Variants in C1GALT1 observed in about 807,000 individuals in gnomAD.
The protein encoded by C1GALT1 is glycoprotein-N-acetylgalactosamine 3-beta-galactosyltransferase 1.
A neutral mutation model predicts 31.0 loss-of-function variants in C1GALT1; 11 were observed. The ratio of observed to expected loss-of-function variants is 0.36; its 90% CI spans 0.22 to 0.59. C1GALT1 has a LOEUF of 0.59. Among genes scored for constraint, C1GALT1 ranks in the 20% least tolerant of loss-of-function variants. The pLI, the probability that C1GALT1 is intolerant of heterozygous loss-of-function variation, is 0.79. For missense variants in C1GALT1, 424 were observed against 425.2 expected (o/e 1.00, Z 0.03); for synonymous variants, 175 against 143.6 (o/e 1.22, Z -1.56).
At chr7:7,174,173 T>C (rs1307059100) in intron 2 of C1GALT1, among the ~76,000 whole-genome samples, 1 of 152,136 alleles carries the variant, frequency 6.6e-6, no homozygotes, top group African/African-American at 2.4e-5. Context: ...AGATCAGGGC[T>C]CCACCCTTAA....
intron 1 of C1GALT1, among the ~76,000 whole-genome samples, chr7:7,201,098 A>C (rs898489096): frequency 5.9e-5 from 9 of 152,154 alleles, no homozygotes; most frequent in Non-Finnish European, 1.3e-4. Context: ...TAGATTTTTC[A>C]GCTTTTCTGC....
At chr7:7,189,865 G>A (rs1211228711) in intron 1 of C1GALT1, among the ~76,000 whole-genome samples, 1 of 151,876 alleles carries the variant, frequency 6.6e-6, no homozygotes, top group Admixed American at 6.6e-5. Flanking sequence ...AGAAAGTAAG[G>A]ATCCAGCTGG....
chr7:7,192,945 T>A (rs116995472), intron 1 of C1GALT1, among the ~76,000 whole-genome samples: 2,641 of 152,236 alleles, frequency 0.017, 106 homozygotes, highest in East Asian at 0.16. Context: ...TGAACACTTG[T>A]ATATCTTCTT....
intron 1 of C1GALT1, among the ~76,000 whole-genome samples, chr7:7,190,503 G>C (rs182365994): frequency 7.5e-4 from 114 of 152,258 alleles, no homozygotes; most frequent in African/African-American, 2.6e-3. Flanking sequence ...CAGTTTCTCA[G>C]CACATTGTCT....
intron 1 of C1GALT1, among the ~76,000 whole-genome samples, chr7:7,196,026 TTTGTTG>T (rs55905652): frequency 0.034 from 5,141 of 151,700 alleles, 183 homozygotes; most frequent in African/African-American, 0.092. Context: ...TGGAATATCT[TTTGTTG>T]TTGTTGTTGT....
chr7:7,236,181 A>C (rs1435103190), intron 2 of C1GALT1, among the ~76,000 whole-genome samples: 1 of 152,172 alleles, frequency 6.6e-6, no homozygotes, highest in African/African-American at 2.4e-5. Context: ...TGTCAGGCTC[A>C]GGCTCCCTGA....
intron 1 of C1GALT1, among the ~76,000 whole-genome samples, chr7:7,211,051 T>A (rs1286205911): frequency 6.6e-6 from 1 of 152,172 alleles, no homozygotes; most frequent in Non-Finnish European, 1.5e-5. Context: ...AAAAGGGGCA[T>A]CATATGGGGA....
intron 1 of C1GALT1, among the ~76,000 whole-genome samples, chr7:7,227,100 G>T (rs2108785): frequency 6.6e-6 from 1 of 152,038 alleles, no homozygotes; most frequent in African/African-American, 2.4e-5. Context: ...TTAGAGGATG[G>T]GGGTCATATT....
chr7:7,201,601 G>A (rs1423879470), intron 1 of C1GALT1, among the ~76,000 whole-genome samples: 1 of 152,180 alleles, frequency 6.6e-6, no homozygotes, highest in Non-Finnish European at 1.5e-5. Context: ...CCAGGGAAGC[G>A]GGGGAAAGCC....
chr7:7,237,684 C>T (rs562543524), intron 2 of C1GALT1, among the ~76,000 whole-genome samples: 10 of 152,158 alleles, frequency 6.6e-5, no homozygotes, highest in Non-Finnish European at 1.5e-4. Flanking sequence ...CCTTTTACCA[C>T]CTCAGGGTAC....
intron 1 of C1GALT1, among the ~76,000 whole-genome samples, chr7:7,226,333 A>AC (rs1220517434): frequency 6.6e-6 from 1 of 152,114 alleles, no homozygotes; most frequent in Admixed American, 6.6e-5. Flanking sequence ...CCTGATTGTC[A>AC]CCTTGGCAAA....
chr7:7,215,071 C>A (rs981900504), intron 1 of C1GALT1, among the ~76,000 whole-genome samples: 3 of 152,172 alleles, frequency 2.0e-5, no homozygotes, highest in African/African-American at 7.2e-5. Context: ...AGACAGCCAC[C>A]ATTGTAAAAT....
chr7:7,192,105 T>C (rs917112573), intron 1 of C1GALT1, among the ~76,000 whole-genome samples: 3 of 152,090 alleles, frequency 2.0e-5, no homozygotes, highest in Admixed American at 1.3e-4. Flanking sequence ...TTAGGTCTTA[T>C]ATTTAGGTCT....
chr7:7,205,467 C>G (rs1451744100), intron 1 of C1GALT1, among the ~76,000 whole-genome samples: 3 of 151,932 alleles, frequency 2.0e-5, no homozygotes, highest in Non-Finnish European at 2.9e-5. Flanking sequence ...AGTAGATAAT[C>G]ATGAATGCCT....
At chr7:7,175,492 A>G (rs914565022) in intron 2 of C1GALT1, among the ~76,000 whole-genome samples, 1 of 152,212 alleles carries the variant, frequency 6.6e-6, no homozygotes, top group Non-Finnish European at 1.5e-5. Flanking sequence ...TAATTTCCCA[A>G]AGAAACTCTC....
chr7:7,215,092 AAAAC>A (rs1319205563), intron 1 of C1GALT1, among the ~76,000 whole-genome samples: 2 of 152,196 alleles, frequency 1.3e-5, no homozygotes, highest in Non-Finnish European at 2.9e-5. Context: ...GGTGGAGACT[AAAAC>A]AAAGTATTGC....
chr7:7,213,685 T>A (rs1030505539), intron 1 of C1GALT1, among the ~76,000 whole-genome samples: 2 of 152,214 alleles, frequency 1.3e-5, no homozygotes, highest in African/African-American at 2.4e-5. Context: ...ATTTTACCCT[T>A]GCACTAGTTT....
intron 2 of C1GALT1, among the ~76,000 whole-genome samples, chr7:7,167,924 T>C (rs917482419): frequency 1.3e-5 from 2 of 152,222 alleles, no homozygotes; most frequent in African/African-American, 2.4e-5. Context: ...CTAAGAATCT[T>C]ACCTTCTACT....
chr7:7,191,821 G>A (rs1781086190), intron 1 of C1GALT1, among the ~76,000 whole-genome samples: 1 of 150,138 alleles, frequency 6.7e-6, no homozygotes, highest in African/African-American at 2.5e-5. Flanking sequence ...GAATCAGGTT[G>A]ATTTTTTTTG....
Sources: gnomAD v4.1 joint callset for allele counts (sites outside exome capture counted in the v4.1 genomes callset) on GRCh38, gnomAD v4.1.1 for gene constraint, MANE v1.5 for transcripts, NCBI Gene and HGNC (gene_info 2026-07-23, HGNC 2026-07-21) for gene names.